ACER3: variants seen among roughly 807,000 people sequenced by gnomAD.
The protein encoded by ACER3 is alkaline ceramidase 3, also known as alkCDase 3.
ACER3 carries 16 observed loss-of-function variants against 48.9 expected under a neutral mutation model. That is an observed-to-expected ratio of 0.33 (90% CI 0.22 to 0.50). ACER3 has a LOEUF of 0.50. ACER3 is among the 20% of genes least tolerant of loss of function. The pLI, the probability that ACER3 is intolerant of heterozygous loss-of-function variation, is 0.98. For synonymous variants in ACER3, 109 were observed against 107.8 expected (o/e 1.01, Z -0.07); for missense variants, 227 against 326.0 (o/e 0.70, Z 2.34).
intron 1 of ACER3, among the ~76,000 whole-genome samples, chr11:76,879,121 T>A (rs948670521): frequency 6.6e-6 from 1 of 152,132 alleles, no homozygotes; most frequent in Non-Finnish European, 1.5e-5. Flanking sequence ...CTACTTCATT[T>A]TTTAAAGGTG....
chr11:76,903,445 AC>A (rs1446561859), intron 1 of ACER3, among the ~76,000 whole-genome samples: 1 of 36,058 alleles, frequency 2.8e-5, no homozygotes, highest in African/African-American at 8.9e-5. Context: ...CGCCCCTCCC[AC>A]CCCCCCACCC....
In ACER3 at chr11:76,976,320, GT is replaced by G; in HGVS notation, c.301del (p.Cys101AlafsTer17). 1 of 1,604,854 alleles carries G rather than the reference GT, an allele frequency of 6.2e-7. No individual in the cohort carries two copies. Among genetic ancestry groups the G allele is most frequent in the Non-Finnish European group, 8.5e-7 (1 of 1,175,100 alleles). The part of the protein sequence containing the change: ...LLDELPMIYS[C>X]CIFVYCMFEC... ...GATGAACTCCCAATGATATACAGCT[GT>G]TGCATATTTGTGTACTGCATGTAAG... is the stretch of plus-strand genomic sequence containing the variant. On this transcript the variant is annotated frameshift_variant, in exon 4 of 11. Coordinates refer to ENST00000532485, the MANE Select transcript of ACER3 (RefSeq NM_018367.7). LOFTEE classifies it high-confidence loss of function.
At chr11:76,876,195 A>G (rs950474010) in intron 1 of ACER3, among the ~76,000 whole-genome samples, 3 of 152,132 alleles carry the variant, frequency 2.0e-5, no homozygotes, top group African/African-American at 7.2e-5. Context: ...ATCAGCCAGG[A>G]AAGTTCCCTC....
At chr11:76,994,966 G>A (rs1214528125) in intron 6 of ACER3, among the ~76,000 whole-genome samples, 2 of 152,066 alleles carry the variant, frequency 1.3e-5, no homozygotes, top group Non-Finnish European at 2.9e-5. Context: ...CTACCTAGGG[G>A]CTGGAGGAAG....
At chr11:76,992,316 A>G (rs1948821357) in intron 6 of ACER3, among the ~76,000 whole-genome samples, 1 of 152,220 alleles carries the variant, frequency 6.6e-6, no homozygotes, top group African/African-American at 2.4e-5. Flanking sequence ...AATGACCACA[A>G]AAATATAAAA....
At chr11:76,910,765 C>T (rs967635412) in intron 1 of ACER3, among the ~76,000 whole-genome samples, 2 of 152,048 alleles carry the variant, frequency 1.3e-5, no homozygotes, top group Non-Finnish European at 2.9e-5. Flanking sequence ...AATATGTGAA[C>T]CAGTCACCGT....
intron 1 of ACER3, among the ~76,000 whole-genome samples, chr11:76,887,706 C>G (rs1945705798): frequency 6.6e-6 from 1 of 151,872 alleles, no homozygotes; most frequent in Non-Finnish European, 1.5e-5. Flanking sequence ...TTTATGATGC[C>G]CACACATGTG....
intron 1 of ACER3, among the ~76,000 whole-genome samples, chr11:76,870,905 C>A (rs1945225946): frequency 6.6e-6 from 1 of 152,230 alleles, no homozygotes; most frequent in South Asian, 2.1e-4. Context: ...TAAAAATAGC[C>A]AGTAGAAATA....
intron 1 of ACER3, among the ~76,000 whole-genome samples, chr11:76,902,208 C>G (rs1272817230): frequency 6.6e-6 from 1 of 152,158 alleles, no homozygotes; most frequent in Non-Finnish European, 1.5e-5. Context: ...TAAAGCCCAA[C>G]CCCTTTCTAA....
intron 6 of ACER3, among the ~76,000 whole-genome samples, chr11:76,995,701 G>A (rs1205636501): frequency 2.0e-5 from 3 of 152,156 alleles, no homozygotes; most frequent in Middle Eastern, 3.4e-3. Flanking sequence ...CTATATAGTC[G>A]GAAGGAGACA....
At position 76,916,241 on chromosome 11, in the gene ACER3, G is replaced by C. The variant is rs189192258; in HGVS notation, c.104-10316G>C. Among the ~76,000 whole-genome samples, 61 of 152,252 alleles carry C rather than the reference G, an allele frequency of 4.0e-4. 1 individual carries two copies. In the East Asian group the frequency reaches 0.011, roughly 28 times the overall value. On this transcript the variant is annotated intron_variant, in intron 1 of 10. Transcript: ENST00000532485. ...AGAATAACTTTATTACATCATAACT[G>C]AACCACATCTGAAATAATATCTATT... is the stretch of plus-strand genomic sequence containing the variant.
chr11:76,903,006 A>G, intron 1 of ACER3, among the ~76,000 whole-genome samples: 1 of 152,308 alleles, frequency 6.6e-6, no homozygotes, highest in South Asian at 2.1e-4. Flanking sequence ...TTAACTTTTT[A>G]TAATAGATTT....
At chr11:77,009,246 G>A (rs113040412) in intron 7 of ACER3, among the ~76,000 whole-genome samples, 16,453 of 152,136 alleles carry the variant, frequency 0.11, 2,938 homozygotes, top group African/African-American at 0.37. Flanking sequence ...CAATCATGGC[G>A]GAAGGCAAAG....
chr11:76,995,672 A>G (rs1948895895), intron 6 of ACER3, among the ~76,000 whole-genome samples: 1 of 152,192 alleles, frequency 6.6e-6, no homozygotes. Context: ...ACATGCTGCC[A>G]GCCAGATAAA....
At chr11:76,868,057 C>T (rs937726368) in intron 1 of ACER3, 9 of 1,216,066 alleles carry the variant, frequency 7.4e-6, no homozygotes, top group Non-Finnish European at 9.7e-6. Context: ...TACAGGTATG[C>T]CATGAAAGGC....
chr11:76,871,589 T>G (rs1273518576), intron 1 of ACER3, among the ~76,000 whole-genome samples: 1 of 152,206 alleles, frequency 6.6e-6, no homozygotes, highest in Non-Finnish European at 1.5e-5. Flanking sequence ...TGGGTTAAGA[T>G]AAGGGTTTTT....
chr11:76,988,366 G>A (rs1948728331), intron 5 of ACER3, among the ~76,000 whole-genome samples: 1 of 152,138 alleles, frequency 6.6e-6, no homozygotes, highest in Non-Finnish European at 1.5e-5. Flanking sequence ...CCCAAGACTG[G>A]GTAATTTATA....
chr11:76,946,475 C>G (rs1565192703), intron 2 of ACER3, among the ~76,000 whole-genome samples: 1 of 151,576 alleles, frequency 6.6e-6, no homozygotes. Flanking sequence ...GCTGCAGCCA[C>G]ATCAGCCCAA....
chr11:76,907,222 C>G (rs1946258517), intron 1 of ACER3, among the ~76,000 whole-genome samples: 1 of 152,168 alleles, frequency 6.6e-6, no homozygotes, highest in Admixed American at 6.5e-5. Flanking sequence ...TTATGATAGG[C>G]CCAGGAACTA....
Sources: allele counts gnomAD v4.1 joint callset (sites outside exome capture counted in the v4.1 genomes callset), GRCh38; gene constraint gnomAD v4.1.1; transcripts MANE v1.5; gene names NCBI Gene and HGNC (gene_info 2026-07-23, HGNC 2026-07-21).